RBL1: variants seen among roughly 807,000 people sequenced by gnomAD.
The protein encoded by RBL1 is RB transcriptional corepressor like 1.
Under a neutral mutation model 123.0 loss-of-function variants are expected in RBL1, and 82 were observed. The ratio of observed to expected loss-of-function variants is 0.67; its 90% CI spans 0.56 to 0.80. The LOEUF (loss-of-function observed/expected upper bound fraction) is 0.80. Ranked by LOEUF, RBL1 falls within the 30% of genes least tolerant of loss-of-function variation. The pLI is 0.00. For missense variants in RBL1, 1,171 were observed against 1,299.6 expected (o/e 0.90, Z 1.52); for synonymous variants, 405 against 441.3 (o/e 0.92, Z 1.03).
At chr20:37,072,338 C>T (rs2065294895) in intron 2 of RBL1, among the ~76,000 whole-genome samples, 1 of 152,078 alleles carries the variant, frequency 6.6e-6, no homozygotes. Flanking sequence ...CGTGGTGGCA[C>T]ATGCCTGTAG....
At chr20:37,058,793 C>T (rs1232437083) in intron 9 of RBL1, among the ~76,000 whole-genome samples, 2 of 150,900 alleles carry the variant, frequency 1.3e-5, no homozygotes, top group African/African-American at 2.4e-5. Flanking sequence ...GATAGGGTCT[C>T]GCTCTGTTGC....
chr20:37,017,588 ATAAG>A (rs2146221213), intron 19 of RBL1, among the ~76,000 whole-genome samples: 1 of 149,564 alleles, frequency 6.7e-6, no homozygotes, highest in Non-Finnish European at 1.5e-5. Flanking sequence ...AGAATTACCT[ATAAG>A]TAATACTTAT....
intron 21 of RBL1, among the ~76,000 whole-genome samples, chr20:36,999,424 G>GTCTCCCTCTTCTCCC (rs1568805492): frequency 6.8e-6 from 1 of 147,040 alleles, no homozygotes; most frequent in Non-Finnish European, 1.5e-5. Context: ...TAAGCTTCCC[G>GTCTCCCTCTTCTCCC]TCTCCCTCCT....
chr20:37,008,995 G>A (rs6030712), intron 19 of RBL1, among the ~76,000 whole-genome samples: 24,703 of 151,632 alleles, frequency 0.16, 2,461 homozygotes, highest in East Asian at 0.48. Flanking sequence ...TACTTCCCCA[G>A]TTTTTTGTGT....
intron 19 of RBL1, among the ~76,000 whole-genome samples, chr20:37,015,314 A>G (rs1031744674): frequency 6.6e-6 from 1 of 152,198 alleles, no homozygotes; most frequent in African/African-American, 2.4e-5. Flanking sequence ...AACACAAAAC[A>G]GGCAAGTGAT....
intron 9 of RBL1, among the ~76,000 whole-genome samples, chr20:37,060,344 TTAAAAA>T (rs1214125500): frequency 6.6e-6 from 1 of 152,008 alleles, no homozygotes; most frequent in African/African-American, 2.4e-5. Context: ...TAAAAATAAA[TTAAAAA>T]TAAAGTCAAT....
At chr20:37,040,608 C>T (rs1047769667) in intron 13 of RBL1, among the ~76,000 whole-genome samples, 4 of 152,200 alleles carry the variant, frequency 2.6e-5, no homozygotes, top group Non-Finnish European at 5.9e-5. Flanking sequence ...CCACCTCAGC[C>T]TCCCAAAGTG....
chr20:37,095,874 C>T lies in RBL1; in HGVS notation c.55G>A (p.Glu19Lys), dbSNP rs754639989. ...TCCTGGCACAGGGCCTGTAGCGCCT[C>T]CCCGGCTGCGGCGACCACCGCCGCC... Reference protein sequence around the residue: ...EGAAVVAAAGEALQALCQELN... With the variant: ...EGAAVVAAAGKALQALCQELN... Residue 19 changes from glutamate (E) to lysine (K), a missense_variant, in exon 1 of 22, where the codon GAG becomes AAG. Coordinates refer to ENST00000373664, the MANE Select transcript of RBL1 (RefSeq NM_002895.5). 1.9e-6 allele frequency: 3 copies of T among 1,605,390 alleles called. No individual in the cohort carries two copies. The highest frequency in any genetic ancestry group is 2.2e-4 in the Middle Eastern group (1 of 4,508).
At chr20:37,062,893 A>G (rs1350644398) in intron 7 of RBL1, among the ~76,000 whole-genome samples, 1 of 148,668 alleles carries the variant, frequency 6.7e-6, no homozygotes, top group Non-Finnish European at 1.5e-5. Flanking sequence ...GAGGCAGAAG[A>G]ATGGCATGAA....
At chr20:37,090,948 A>G (rs2065636459) in intron 1 of RBL1, among the ~76,000 whole-genome samples, 1 of 152,240 alleles carries the variant, frequency 6.6e-6, no homozygotes. Flanking sequence ...ACAATGCCAC[A>G]AAAAGGTGAC....
intron 17 of RBL1, among the ~76,000 whole-genome samples, chr20:37,021,158 G>A (rs1473961293): frequency 6.6e-6 from 1 of 152,182 alleles, no homozygotes; most frequent in Non-Finnish European, 1.5e-5. Flanking sequence ...GGCTATTACA[G>A]GATTAGGTTT....
At chr20:37,040,793 A>T (rs1349406183) in intron 13 of RBL1, among the ~76,000 whole-genome samples, 2 of 152,236 alleles carry the variant, frequency 1.3e-5, no homozygotes, top group South Asian at 2.1e-4. Context: ...TATAATTTAT[A>T]TAGGTAAGTT....
intron 19 of RBL1, among the ~76,000 whole-genome samples, chr20:37,016,236 C>G (rs1246135596): frequency 6.6e-6 from 1 of 152,018 alleles, no homozygotes; most frequent in Non-Finnish European, 1.5e-5. Flanking sequence ...CCATGTTGGC[C>G]AGGCTGGTCT....
intron 21 of RBL1, among the ~76,000 whole-genome samples, chr20:37,000,249 C>G (rs1279627806): frequency 6.8e-6 from 1 of 146,106 alleles, no homozygotes; most frequent in African/African-American, 2.6e-5. Flanking sequence ...GGAGCCCCTC[C>G]GCCCGGCAGC....
intron 3 of RBL1, 85 bp from the exon 4 acceptor site, chr20:37,067,382 G>T (rs1237645442): frequency 2.0e-6 from 2 of 1,013,366 alleles, no homozygotes; most frequent in East Asian, 2.6e-5. Flanking sequence ...ATATCAAATA[G>T]ATCAAATTAC....
chr20:36,999,875 C>G (rs931667278), intron 21 of RBL1, among the ~76,000 whole-genome samples: 2 of 152,160 alleles, frequency 1.3e-5, no homozygotes, highest in Admixed American at 1.3e-4. Flanking sequence ...GCCTTGGCCC[C>G]GCAAAGTGCC....
At chr20:37,085,845 T>G (rs2065536741) in intron 2 of RBL1, among the ~76,000 whole-genome samples, 1 of 151,948 alleles carries the variant, frequency 6.6e-6, no homozygotes. Context: ...GAGATGAGGT[T>G]TCACTGTGTT....
At chr20:37,050,207 A>G (rs992157918) in intron 11 of RBL1, among the ~76,000 whole-genome samples, 3 of 152,218 alleles carry the variant, frequency 2.0e-5, no homozygotes, top group Non-Finnish European at 2.9e-5. Flanking sequence ...GCTGAAATTA[A>G]AAGTTCATTG....
chr20:37,095,960 C>A lies in RBL1; in HGVS notation c.-32G>T. On this transcript the variant is annotated 5_prime_UTR_variant, in exon 1 of 22. Transcript: ENST00000373664. The stretch of plus-strand genomic sequence containing the variant: ...AGGCCCCGCGGGCTGCGCGCCACGG[C>A]CCCCGACTTCTTTCTCCCTCCCAGG... 2.7e-6 allele frequency: 4 copies of A among 1,459,560 alleles called. No homozygotes were observed. Among genetic ancestry groups the A allele is most frequent in the African/African-American group, 2.8e-5 (2 of 71,022 alleles). 90.4% of individuals were successfully genotyped at this position (1,459,560 alleles called of 1,614,324 possible).
Sources: allele counts gnomAD v4.1 joint callset (sites outside exome capture counted in the v4.1 genomes callset), GRCh38; gene constraint gnomAD v4.1.1; transcripts MANE v1.5; gene names NCBI Gene and HGNC (gene_info 2026-07-23, HGNC 2026-07-21).